The following SIK2 variants were observed in gnomAD, a reference collection of about 807,000 sequenced individuals.
SIK2 encodes the protein serine/threonine-protein kinase SIK2.
SIK2 carries 29 observed loss-of-function variants against 103.2 expected under a neutral mutation model. The ratio of observed to expected loss-of-function variants is 0.28; its 90% CI spans 0.21 to 0.38. The LOEUF is 0.38. Ranked by LOEUF, SIK2 falls within the 10% of genes least tolerant of loss-of-function variation. SIK2 has a pLI of 1.00. For synonymous variants in SIK2, 412 were observed against 446.1 expected (o/e 0.92, Z 0.96); for missense variants, 879 against 1,171.0 (o/e 0.75, Z 3.64).
intron 7 of SIK2, 96 bp from the exon 8 acceptor site, chr11:111,704,891 A>T: frequency 7.2e-7 from 1 of 1,386,266 alleles, no homozygotes; most frequent in Non-Finnish European, 9.7e-7. Flanking sequence ...TATTTTTAAG[A>T]GCACACAATT....
chr11:111,662,737 G>A (rs1203281137), intron 3 of SIK2, among the ~76,000 whole-genome samples: 1 of 151,712 alleles, frequency 6.6e-6, no homozygotes, highest in African/African-American at 2.4e-5. Flanking sequence ...TAGTAGCTGG[G>A]CATGGTGGTG....
At chr11:111,646,930 T>C (rs57755222) in intron 3 of SIK2, among the ~76,000 whole-genome samples, 68 of 152,356 alleles carry the variant, frequency 4.5e-4, no homozygotes, top group African/African-American at 1.6e-3. Flanking sequence ...AATATTCACA[T>C]ACAAATCCAT....
chr11:111,719,851 T>C lies in SIK2; in HGVS notation c.1343T>C (p.Met448Thr). Reference sequence around the variant, plus strand: ...TGCCAGTCACTGCCCAGCAACATGATGGAGACCTCCATTGACGAAGGGCTG... The same window carrying C: ...TGCCAGTCACTGCCCAGCAACATGACGGAGACCTCCATTGACGAAGGGCTG... ...KGCQSLPSNM[M>T]ETSIDEGLET... is the part of the protein sequence containing the mutation. Residue 448 changes from methionine (M) to threonine (T), a missense_variant, in exon 10 of 15, where the codon ATG (methionine) becomes ACG (threonine). Physicochemically the swap from Met to Thr is moderately conservative, Grantham distance 81. Transcript: ENST00000304987. The C allele has an allele frequency of 1.2e-6, 2 of 1,614,116 alleles. No homozygotes were observed. The highest frequency in any genetic ancestry group is 1.7e-6 in the Non-Finnish European group (2 of 1,180,018).
intron 8 of SIK2, among the ~76,000 whole-genome samples, chr11:111,709,202 C>T (rs1182309223): frequency 6.6e-6 from 1 of 152,184 alleles, no homozygotes; most frequent in African/African-American, 2.4e-5. Context: ...TTTTCACTGG[C>T]TTTTTTCTCT....
intron 3 of SIK2, among the ~76,000 whole-genome samples, chr11:111,665,006 A>T (rs938190918): frequency 2.0e-5 from 3 of 152,142 alleles, no homozygotes; most frequent in African/African-American, 7.2e-5. Flanking sequence ...ATCAAGGTTA[A>T]ATTAAATATC....
intron 3 of SIK2, among the ~76,000 whole-genome samples, chr11:111,686,864 TGCATGTTCTTGGGTAGACGA>T (rs1246835598): frequency 1.8e-4 from 27 of 152,240 alleles, no homozygotes; most frequent in Admixed American, 6.5e-4. Flanking sequence ...AGCACAAGTC[TGCATGTTCTTGGGTAGACGA>T]GAATTCTTTC....
At chr11:111,692,927 T>G (rs192613234) in intron 4 of SIK2, among the ~76,000 whole-genome samples, 94 of 152,274 alleles carry the variant, frequency 6.2e-4, no homozygotes, top group African/African-American at 2.1e-3. Context: ...ATTAAAATAT[T>G]TTTGTGTTTA....
intron 3 of SIK2, among the ~76,000 whole-genome samples, chr11:111,625,082 G>A (rs905742033): frequency 3.9e-5 from 6 of 152,186 alleles, no homozygotes; most frequent in African/African-American, 1.4e-4. Flanking sequence ...GGAGGTCAGA[G>A]GGTAAATGAG....
chr11:111,700,910 A>G lies in SIK2; in HGVS notation c.503A>G (p.Lys168Arg), dbSNP rs1214115297. Reference sequence around the variant, plus strand: ...GATTTCGGTTTTGGAAATTTCTTTAAAAGTGGTGAACTGCTGGCAACATGG... The same window carrying G: ...GATTTCGGTTTTGGAAATTTCTTTAGAAGTGGTGAACTGCTGGCAACATGG... The part of the protein sequence containing the change: ...IADFGFGNFF[K>R]SGELLATWCG... The change falls in exon 5 of 15, where the codon AAA becomes AGA. Residue 168 changes from lysine to arginine, a missense_variant. Lys to Arg is a conservative substitution (Grantham distance 26). Around this residue, in one of 7 missense-constraint regions of SIK2, gnomAD observed 126 missense variants for 245.5 expected, o/e 0.51. Transcript: ENST00000304987. 39 of 1,613,932 alleles carry G rather than the reference A, an allele frequency of 2.4e-5. No homozygotes were observed. The highest frequency in any genetic ancestry group is 3.3e-5 in the Admixed American group (2 of 59,988).
chr11:111,704,841 T>C (rs750073986), intron 7 of SIK2, 146 bp from the exon 8 acceptor site: 6 of 866,664 alleles, frequency 6.9e-6, no homozygotes, highest in Non-Finnish European at 9.9e-6. Flanking sequence ...AGTCACATTT[T>C]TGGAGCAGCT....
chr11:111,715,739 T>A (rs1442640459), intron 9 of SIK2, among the ~76,000 whole-genome samples: 1 of 152,048 alleles, frequency 6.6e-6, no homozygotes, highest in Non-Finnish European at 1.5e-5. Context: ...GTATCTCTTT[T>A]TAATAAGGAA....
rs1478637642 is a variant in SIK2 at position 111,701,854 on chromosome 11, C to T, written c.727+279C>T. ...TGTCCCAGGTTTATTTTAGATTTAACGAAGCCCTTTGTAGATACAGATTCA... is the reference window on the plus strand; with the variant it reads ...TGTCCCAGGTTTATTTTAGATTTAATGAAGCCCTTTGTAGATACAGATTCA... On this transcript the variant is annotated intron_variant, in intron 6 of 14. Coordinates refer to ENST00000304987, the MANE Select transcript of SIK2 (RefSeq NM_015191.3). This position sits in a 1 kb window ranked among gnomAD's most constrained non-coding sequence, Gnocchi z 4.2. 6.6e-6 allele frequency among the ~76,000 whole-genome samples: 1 copy of T among 152,086 alleles called. No homozygotes were observed.
At position 111,689,324 on chromosome 11, in the gene SIK2, A is replaced by G. The variant is rs966283424; in HGVS notation, c.478+1162A>G. ...GTAGGGGTAAAGTGGAATTGGGATA[A>G]CATGATTAGATTTGCATGTCAGAAA... On this transcript the variant is annotated intron_variant, in intron 4 of 14. Coordinates refer to ENST00000304987, the MANE Select transcript of SIK2 (RefSeq NM_015191.3). Among the ~76,000 whole-genome samples the G allele has an allele frequency of 7.9e-5, 12 of 152,224 alleles. 1 individual carries two copies. The highest frequency in any genetic ancestry group is 1.2e-4 in the Non-Finnish European group (8 of 68,046).
intron 3 of SIK2, among the ~76,000 whole-genome samples, chr11:111,642,442 A>G (rs142382723): frequency 6.6e-6 from 1 of 152,174 alleles, no homozygotes. Flanking sequence ...GCACTGGTTT[A>G]TTATAAAGAA....
intron 3 of SIK2, among the ~76,000 whole-genome samples, chr11:111,675,106 A>G (rs1400987109): frequency 6.6e-6 from 1 of 152,220 alleles, no homozygotes; most frequent in African/African-American, 2.4e-5. Context: ...GCTTACATCA[A>G]CAGATATTCT....
At chr11:111,669,314 CTT>C (rs1942592002) in intron 3 of SIK2, among the ~76,000 whole-genome samples, 1 of 152,186 alleles carries the variant, frequency 6.6e-6, no homozygotes, top group Non-Finnish European at 1.5e-5. Flanking sequence ...GAATCTAAGA[CTT>C]GACGTCAGAA....
chr11:111,649,514 A>G (rs1942301229), intron 3 of SIK2, among the ~76,000 whole-genome samples: 1 of 152,098 alleles, frequency 6.6e-6, no homozygotes, highest in South Asian at 2.1e-4. Context: ...GTCACTTATT[A>G]GGTACCAGGA....
rs1458506218 is a variant in SIK2, at chr11:111,721,174, CTGTT to C, written c.1944+115_1944+118del. ...TTCCTCCAGTCCTGGAGCAAACAGGCTGTTTGGGAAAACCCACAGCTTCTTTGCC... is the reference window on the plus strand; with the variant it reads ...TTCCTCCAGTCCTGGAGCAAACAGGCTGGGAAAACCCACAGCTTCTTTGCC... On this transcript the variant is annotated intron_variant, in intron 12 of 14. Transcript: ENST00000304987. 4 of 1,323,128 alleles carry C rather than the reference CTGTT, an allele frequency of 3.0e-6. No individual in the cohort carries two copies. In the East Asian group the frequency reaches 7.3e-5, roughly 24 times the overall value. 82.0% of individuals were successfully genotyped at this position (1,323,128 alleles called of 1,614,324 possible). A position where few individuals can be genotyped will look rare whatever the true frequency, so the allele number is the denominator to read the frequency against.
Position 111,720,907 on chromosome 11 carries a change from G to A in SIK2, c.1789G>A (p.Ala597Thr). The A allele has an allele frequency of 6.2e-7, 1 of 1,613,474 alleles. No homozygotes were observed. Among genetic ancestry groups the A allele is most frequent in the Non-Finnish European group, 8.5e-7 (1 of 1,179,822 alleles). The stretch of plus-strand genomic sequence containing the variant: ...TTGGTGCTTTCTTTCAGGAATTGTA[G>A]CATTTAGACAACATCTTCAGAATCT... ...SDTSLTQGIV[A>T]FRQHLQNLAR... The change falls in exon 12 of 15, where the codon GCA becomes ACA. Residue 597 changes from alanine to threonine, a missense_variant. Ala to Thr is a moderately conservative substitution (Grantham distance 58, BLOSUM62 0). This residue lies in a region of SIK2 where 375 missense variants were observed against 416.3 expected (regional missense o/e 0.90). Transcript: ENST00000304987.
Sources: gnomAD v4.1 joint callset for allele counts (sites outside exome capture counted in the v4.1 genomes callset) on GRCh38, gnomAD v4.1.1 for gene constraint, gnomAD v4.1.1 regional missense constraint, Gnocchi (gnomAD v3.1) non-coding constraint, MANE v1.5 for transcripts, NCBI Gene and HGNC (gene_info 2026-07-23, HGNC 2026-07-21) for gene names.